The following ADGRB3 variants were observed in gnomAD, a reference collection of about 807,000 sequenced individuals.
ADGRB3 encodes the protein brain-specific angiogenesis inhibitor 3.
In ADGRB3, 37 loss-of-function variants were observed where a neutral mutation model predicts 193.4. That is an observed-to-expected ratio of 0.19 (90% CI 0.15 to 0.25). The LOEUF (loss-of-function observed/expected upper bound fraction) is 0.25. Among genes scored for constraint, ADGRB3 ranks in the 10% least tolerant of loss-of-function variants. ADGRB3 has a pLI of 1.00. For missense variants in ADGRB3, 1,637 were observed against 1,852.9 expected (o/e 0.88, Z 2.14); for synonymous variants, 690 against 644.2 (o/e 1.07, Z -1.08).
At chr6:68,733,479 T>C (rs1765812867) in intron 3 of ADGRB3, among the ~76,000 whole-genome samples, 2 of 151,758 alleles carry the variant, frequency 1.3e-5, no homozygotes, top group South Asian at 4.1e-4. Context: ...CAGTGGGGAC[T>C]TCAAAAAGGG....
intron 3 of ADGRB3, among the ~76,000 whole-genome samples, chr6:68,810,212 CT>C (rs1767483349): frequency 6.6e-6 from 1 of 152,112 alleles, no homozygotes; most frequent in African/African-American, 2.4e-5. Context: ...GGAGTGGCTG[CT>C]TTGGGAAGCT....
At position 69,261,712 on chromosome 6, in the gene ADGRB3, GT is replaced by G. The variant is rs199505722; in HGVS notation, c.2814+22489del. On this transcript the variant is annotated intron_variant, in intron 20 of 31. Transcript: ENST00000370598. ...TTTGGGTATTCATGGTAAATATTTGGTTTATGTTATATAGTACTTATTTCAG... is the reference window on the plus strand; with the variant it reads ...TTTGGGTATTCATGGTAAATATTTGGTTATGTTATATAGTACTTATTTCAG... 2.0e-4 allele frequency among the ~76,000 whole-genome samples: 31 copies of G among 151,934 alleles called. No homozygotes were observed. In the East Asian group the frequency reaches 6.0e-3, roughly 29 times the overall value.
chr6:68,983,434 G>A (rs1450733046), intron 10 of ADGRB3, among the ~76,000 whole-genome samples: 2 of 149,272 alleles, frequency 1.3e-5, no homozygotes, highest in Non-Finnish European at 3.0e-5. Flanking sequence ...CTTATTTATA[G>A]GATAGAATAT....
chr6:69,094,560 G>T (rs1772814215), intron 17 of ADGRB3, among the ~76,000 whole-genome samples: 1 of 152,142 alleles, frequency 6.6e-6, no homozygotes, highest in African/African-American at 2.4e-5. Context: ...GAATTATTCA[G>T]CTGCTGTTGA....
chr6:68,914,211 C>T (rs1036480937), intron 3 of ADGRB3, among the ~76,000 whole-genome samples: 7 of 150,232 alleles, frequency 4.7e-5, no homozygotes, highest in Admixed American at 2.7e-4. Flanking sequence ...AGATACTCCT[C>T]GAGAAGAGCA....
chr6:68,718,703 C>A (rs1292302717), intron 3 of ADGRB3, among the ~76,000 whole-genome samples: 1 of 151,752 alleles, frequency 6.6e-6, no homozygotes, highest in Non-Finnish European at 1.5e-5. Context: ...AGACTTTGCA[C>A]GTACAGCATT....
At chr6:69,216,272 C>T (rs187762510) in intron 17 of ADGRB3, among the ~76,000 whole-genome samples, 34 of 152,262 alleles carry the variant, frequency 2.2e-4, no homozygotes, top group African/African-American at 7.7e-4. Context: ...TCTCTAAAGA[C>T]TATTGCTTGG....
chr6:69,186,115 G>T (rs1765061125), intron 17 of ADGRB3, among the ~76,000 whole-genome samples: 1 of 136,104 alleles, frequency 7.3e-6, no homozygotes. Flanking sequence ...AGGGGTAAAA[G>T]AAACTGGGTA....
At chr6:68,836,313 C>A (rs980560696) in intron 3 of ADGRB3, among the ~76,000 whole-genome samples, 1 of 151,742 alleles carries the variant, frequency 6.6e-6, no homozygotes, top group African/African-American at 2.4e-5. Context: ...CTGAGAGATG[C>A]ATTGGAATGG....
intron 17 of ADGRB3, among the ~76,000 whole-genome samples, chr6:69,197,141 G>GT (rs1204088841): frequency 1.3e-5 from 2 of 151,798 alleles, no homozygotes; most frequent in African/African-American, 4.8e-5. Flanking sequence ...AAGACAAAAG[G>GT]TTTTTTAAAA....
At chr6:69,011,135 A>ATGTGTGTG (rs66675226) in intron 11 of ADGRB3, among the ~76,000 whole-genome samples, 142 of 145,022 alleles carry the variant, frequency 9.8e-4, no homozygotes, top group African/African-American at 3.4e-3. Flanking sequence ...ATACATATAT[A>ATGTGTGTG]TGTGTGTGTG....
chr6:68,992,950 G>A (rs9454669), intron 10 of ADGRB3, among the ~76,000 whole-genome samples: 39,910 of 151,702 alleles, frequency 0.26, 5,532 homozygotes, highest in Middle Eastern at 0.42. Flanking sequence ...GCAAAGAAAA[G>A]GTACAGATTA....
chr6:69,138,431 A>T (rs913191677), intron 17 of ADGRB3, among the ~76,000 whole-genome samples: 1 of 152,206 alleles, frequency 6.6e-6, no homozygotes, highest in Non-Finnish European at 1.5e-5. Context: ...CAGGTTACTG[A>T]TAAACCTCAG....
At chr6:69,238,663 A>G (rs567985630) in intron 19 of ADGRB3, among the ~76,000 whole-genome samples, 10 of 152,034 alleles carry the variant, frequency 6.6e-5, no homozygotes, top group Non-Finnish European at 1.5e-4. Flanking sequence ...GTAAATAACA[A>G]TAATACTTCA....
At chr6:68,654,999 T>A (rs375276657) in intron 3 of ADGRB3, among the ~76,000 whole-genome samples, 50 of 151,488 alleles carry the variant, frequency 3.3e-4, no homozygotes, top group Non-Finnish European at 3.0e-4. Context: ...AAAAGAACAA[T>A]TTAGTTTTAC....
At chr6:69,316,982 G>A (rs1768326100) in intron 20 of ADGRB3, among the ~76,000 whole-genome samples, 1 of 151,468 alleles carries the variant, frequency 6.6e-6, no homozygotes, top group Admixed American at 6.6e-5. Context: ...ATGGAATCAA[G>A]CGTAGTTACT....
At chr6:68,677,550 C>T (rs1159884068) in intron 3 of ADGRB3, among the ~76,000 whole-genome samples, 1 of 126,990 alleles carries the variant, frequency 7.9e-6, no homozygotes, top group Non-Finnish European at 1.6e-5. Context: ...ACAGGTCTCA[C>T]TCTGTTGTTC....
chr6:69,246,779 G>T (rs922727988), intron 20 of ADGRB3, among the ~76,000 whole-genome samples: 1 of 152,302 alleles, frequency 6.6e-6, no homozygotes, highest in South Asian at 2.1e-4. Flanking sequence ...CAAGGAAGCA[G>T]TTTGGACATT....
intron 3 of ADGRB3, among the ~76,000 whole-genome samples, chr6:68,815,844 CT>C (rs1767623226): frequency 6.6e-6 from 1 of 151,834 alleles, no homozygotes; most frequent in African/African-American, 2.4e-5. Flanking sequence ...ATTTCAGCTT[CT>C]TTTTTTTATT....
Sources: allele counts gnomAD v4.1 joint callset (sites outside exome capture counted in the v4.1 genomes callset), GRCh38; gene constraint gnomAD v4.1.1; transcripts MANE v1.5; gene names NCBI Gene and HGNC (gene_info 2026-07-23, HGNC 2026-07-21).